The following FYCO1 variants were observed in gnomAD, a reference collection of about 807,000 sequenced individuals.
FYCO1 encodes FYVE and coiled-coil domain autophagy adaptor 1.
In FYCO1, 122 loss-of-function variants were observed where a neutral mutation model predicts 165.1. The observed-to-expected ratio is 0.74, with a 90% CI of 0.64 to 0.86. The LOEUF (loss-of-function observed/expected upper bound fraction) is 0.86. FYCO1 is among the 40% of genes least tolerant of loss of function. FYCO1 has a pLI of 0.00. For synonymous variants in FYCO1, 648 were observed against 742.5 expected (o/e 0.87, Z 2.07); for missense variants, 1,702 against 1,810.3 (o/e 0.94, Z 1.09).
intron 3 of FYCO1, among the ~76,000 whole-genome samples, chr3:45,980,396 G>C (rs537729115): frequency 6.6e-6 from 1 of 151,984 alleles, no homozygotes; most frequent in East Asian, 1.9e-4. Context: ...AGGGCAATAT[G>C]AAGAGTGTTA....
At chr3:45,931,015 G>A in intron 16 of FYCO1, 56 bp downstream of exon 16, 3 of 1,540,074 alleles carry the variant, frequency 1.9e-6, no homozygotes, top group Non-Finnish European at 2.7e-6. Context: ...AGAAAGGCCT[G>A]CCCAAGTACC....
rs375203665 is a variant in FYCO1 at position 45,966,261 on chromosome 3, T to C, written c.3057+16A>G. On this transcript the variant is annotated intron_variant, in intron 8 of 17. Coordinates refer to ENST00000296137, the MANE Select transcript of FYCO1 (RefSeq NM_024513.4). ...AGGGAGAGGGGTAGAGCCCAAGTGG[T>C]TGAAGCTAGGATTACCTTAAGTCTG... 8.1e-5 allele frequency: 130 copies of C among 1,612,106 alleles called. No homozygotes were observed. Among genetic ancestry groups the C allele is most frequent in the Non-Finnish European group, 9.8e-5 (116 of 1,179,882 alleles).
intron 7 of FYCO1, 33 bp downstream of exon 7, chr3:45,969,642 T>C (rs369375464): frequency 3.9e-6 from 6 of 1,546,568 alleles, no homozygotes; most frequent in Admixed American, 1.7e-5. Context: ...GTAGAAGCTA[T>C]AGGAAGATAA....
intron 7 of FYCO1, among the ~76,000 whole-genome samples, chr3:45,968,911 C>T (rs1156488963): frequency 1.3e-5 from 2 of 152,208 alleles, no homozygotes; most frequent in African/African-American, 4.8e-5. Context: ...TATGAGGCCA[C>T]CCATGTGAGC....
At chr3:45,934,793 G>A (rs1469441587) in intron 15 of FYCO1, among the ~76,000 whole-genome samples, 1 of 152,242 alleles carries the variant, frequency 6.6e-6, no homozygotes, top group Non-Finnish European at 1.5e-5. Flanking sequence ...TCACTGCTGT[G>A]AGTAGCATGC....
Position 45,947,183 on chromosome 3 carries a change from C to T in FYCO1, c.3944+8066G>A, listed in dbSNP as rs34294191. 3,645 of 1,614,188 alleles carry T rather than the reference C, an allele frequency of 2.3e-3. 79 individuals carry two copies. In the African/African-American group the frequency reaches 0.041, roughly 18 times the overall value. ...AGCACAGATCTCTAAAGATCATCTTCCTGGTGATGGCTGTGTTCCTGCTGA... is the reference window on the plus strand; with the variant it reads ...AGCACAGATCTCTAAAGATCATCTTTCTGGTGATGGCTGTGTTCCTGCTGA... On this transcript the variant is annotated intron_variant, in intron 14 of 17. Transcript: ENST00000296137.
intron 4 of FYCO1, among the ~76,000 whole-genome samples, chr3:45,977,350 A>AATATATATATAT (rs57543574): frequency 4.4e-5 from 5 of 112,662 alleles, no homozygotes; most frequent in Non-Finnish European, 5.3e-5. Flanking sequence ...AACTGAATTA[A>AATATATATATAT]ATATATATAT....
intron 14 of FYCO1, chr3:45,946,236 G>A: frequency 4.2e-6 from 2 of 474,928 alleles, no homozygotes; most frequent in Non-Finnish European, 7.6e-6. Flanking sequence ...CCAGATGGGT[G>A]AGATCCTGAG....
chr3:45,924,840 T>C (rs975512863), intron 16 of FYCO1, among the ~76,000 whole-genome samples: 3 of 152,128 alleles, frequency 2.0e-5, no homozygotes, highest in African/African-American at 7.2e-5. Context: ...ATCGAACTCC[T>C]GACCTCAGGT....
chr3:45,935,361 C>T (rs1043856901), intron 15 of FYCO1, among the ~76,000 whole-genome samples: 7 of 152,184 alleles, frequency 4.6e-5, no homozygotes, highest in African/African-American at 1.7e-4. Flanking sequence ...TTTGGGGGTC[C>T]CATTTCCCTC....
At chr3:45,991,917 T>C (rs1057135964) in intron 1 of FYCO1, among the ~76,000 whole-genome samples, 1 of 152,074 alleles carries the variant, frequency 6.6e-6, no homozygotes, top group African/African-American at 2.4e-5. Flanking sequence ...CAATTGGAAC[T>C]GGTGAGTTTA....
At chr3:45,924,409 G>A (rs1335224180) in intron 16 of FYCO1, among the ~76,000 whole-genome samples, 2 of 151,800 alleles carry the variant, frequency 1.3e-5, no homozygotes, top group South Asian at 2.1e-4. Flanking sequence ...TTTTTCAGAC[G>A]ATTTTTGAAG....
At chr3:45,944,660 G>A (rs939105951) in intron 14 of FYCO1, among the ~76,000 whole-genome samples, 1 of 151,978 alleles carries the variant, frequency 6.6e-6, no homozygotes, top group African/African-American at 2.4e-5. Flanking sequence ...GGCCCAATCT[G>A]TTTACCAATT....
At chr3:45,929,464 C>T (rs1178013467) in intron 16 of FYCO1, among the ~76,000 whole-genome samples, 1 of 152,204 alleles carries the variant, frequency 6.6e-6, no homozygotes, top group Non-Finnish European at 1.5e-5. Context: ...TCCCTCCCTG[C>T]CACAAACACT....
At chr3:45,931,349 T>C (rs1455458692) in intron 15 of FYCO1, 68 bp from the exon 16 acceptor site, 1 of 1,480,740 alleles carries the variant, frequency 6.8e-7, no homozygotes, top group African/African-American at 1.4e-5. Flanking sequence ...GGCCAGGTCA[T>C]CTGTGGCTCA....
At position 45,979,727 on chromosome 3, in the gene FYCO1, C is replaced by T. The variant is rs777396926; in HGVS notation, c.266G>A (p.Arg89His). The T allele has an allele frequency of 1.8e-5, 29 of 1,613,806 alleles. No individual in the cohort carries two copies. Among genetic ancestry groups the T allele is most frequent in the African/African-American group, 8.0e-5 (6 of 74,906 alleles). Residue 89 changes from arginine to histidine, a missense_variant, in exon 4 of 18, where the codon CGC becomes CAC. Arg to His is a conservative substitution (Grantham distance 29). Transcript: ENST00000296137. Reference protein sequence around the residue: ...AKVKGANDGIRFVKSISELRT... With the variant: ...AKVKGANDGIHFVKSISELRT... ...TACCTCTGAGATAGACTTGACAAAG[C>T]GGATCCCATCATTGGCTCCTTTCAC...
chr3:45,939,607 C>A (rs1307786757), intron 14 of FYCO1, among the ~76,000 whole-genome samples: 1 of 152,160 alleles, frequency 6.6e-6, no homozygotes, highest in East Asian at 1.9e-4. Context: ...CCTGGAAAAT[C>A]CCTATGGCCC....
intron 4 of FYCO1, among the ~76,000 whole-genome samples, chr3:45,975,713 A>C (rs1037708746): frequency 3.3e-5 from 5 of 152,226 alleles, no homozygotes; most frequent in African/African-American, 1.2e-4. Flanking sequence ...AATAAAACTC[A>C]GTTTTATATT....
At chr3:45,931,557 C>A (rs1278685107) in intron 15 of FYCO1, among the ~76,000 whole-genome samples, 1 of 152,200 alleles carries the variant, frequency 6.6e-6, no homozygotes, top group Non-Finnish European at 1.5e-5. Context: ...GAGGTTAAAG[C>A]CCATGGGAAC....
Sources: gnomAD v4.1 joint callset for allele counts (sites outside exome capture counted in the v4.1 genomes callset) on GRCh38, gnomAD v4.1.1 for gene constraint, MANE v1.5 for transcripts, NCBI Gene and HGNC (gene_info 2026-07-23, HGNC 2026-07-21) for gene names.